Variants in FAXC observed in about 807,000 individuals in gnomAD.
FAXC encodes failed axon connections homolog.
In FAXC, 10 loss-of-function variants were observed where a neutral mutation model predicts 41.9. The observed-to-expected ratio is 0.24, with a 90% CI of 0.15 to 0.41. The LOEUF (loss-of-function observed/expected upper bound fraction) is 0.41, where lower values mean the gene tolerates loss of function less well. Ranked by LOEUF, FAXC falls within the 10% of genes least tolerant of loss-of-function variation. The pLI is 1.00. For missense variants in FAXC, 399 were observed against 510.9 expected (o/e 0.78, Z 2.11); for synonymous variants, 183 against 183.8 (o/e 1.00, Z 0.03).
intron 5 of FAXC, among the ~76,000 whole-genome samples, chr6:99,289,948 G>GCA (rs144500826): frequency 0.046 from 7,005 of 152,094 alleles, 194 homozygotes; most frequent in Non-Finnish European, 0.06. Context: ...AGAGAGTACT[G>GCA]CACCACACAT....
intron 4 of FAXC, among the ~76,000 whole-genome samples, chr6:99,297,307 G>A (rs1771535337): frequency 6.6e-6 from 1 of 152,124 alleles, no homozygotes; most frequent in African/African-American, 2.4e-5. Context: ...TACTAACTGA[G>A]CGGATGGCTG....
intron 4 of FAXC, among the ~76,000 whole-genome samples, chr6:99,297,424 A>T (rs1417030362): frequency 6.6e-6 from 1 of 152,136 alleles, no homozygotes; most frequent in African/African-American, 2.4e-5. Flanking sequence ...AGGCCTGAAG[A>T]CTTAGGCCAA....
At chr6:99,317,722 T>C (rs979121948) in intron 4 of FAXC, among the ~76,000 whole-genome samples, 4 of 152,200 alleles carry the variant, frequency 2.6e-5, no homozygotes, top group Admixed American at 2.0e-4. Context: ...CTTCCATTCA[T>C]ATTTTGTATC....
chr6:99,338,987 G>A (rs559786758), intron 2 of FAXC, among the ~76,000 whole-genome samples: 2 of 152,206 alleles, frequency 1.3e-5, no homozygotes, highest in South Asian at 4.2e-4. Flanking sequence ...GTCCCCAGAG[G>A]CCCTGCATTA....
Position 99,349,347 on chromosome 6 carries a change from G to C in FAXC, c.26C>G (p.Ser9Trp), listed in dbSNP as rs529164273. 18 of 1,612,514 alleles carry C rather than the reference G, an allele frequency of 1.1e-5. No homozygotes were observed. In the South Asian group the frequency reaches 2.0e-4, roughly 18 times the overall value. The change falls in exon 1 of 6, where the codon TCG (serine) becomes TGG (tryptophan). Residue 9 changes from serine (S) to tryptophan (W), a missense_variant. Physicochemically the swap from Ser to Trp is radical, Grantham distance 177 (BLOSUM62 -3). Coordinates refer to ENST00000389677, the MANE Select transcript of FAXC (RefSeq NM_032511.4). MHWGVGFA[S>W]SRPCVVDLSW... ...CAGATCCACCACGCACGGCCTGGAC[G>C]AAGCAAAGCCAACCCCCCAGTGCAT... is the stretch of plus-strand genomic sequence containing the variant.
intron 4 of FAXC, among the ~76,000 whole-genome samples, chr6:99,320,579 G>A (rs1347295359): frequency 2.0e-5 from 3 of 151,950 alleles, no homozygotes; most frequent in South Asian, 4.2e-4. Flanking sequence ...TCACACATGC[G>A]GCTCCTTCTC....
intron 3 of FAXC, among the ~76,000 whole-genome samples, chr6:99,331,537 G>A (rs975315792): frequency 2.6e-5 from 4 of 152,190 alleles, no homozygotes; most frequent in Non-Finnish European, 4.4e-5. Flanking sequence ...GTGATGTGTG[G>A]TAGTTGGAAA....
chr6:99,272,142 CTATATG>C lies in FAXC; in HGVS notation c.*9016_*9021del, dbSNP rs1383499579. 8.7e-3 allele frequency: 720 copies of C among 83,144 alleles called. 5 individuals are homozygous for C. Among genetic ancestry groups the C allele is most frequent in the African/African-American group, 0.033 (706 of 21,280 alleles). The allele number at this position is 83,144 out of a possible 1,614,324, so 5.2% of individuals were successfully genotyped here. A position where few individuals can be genotyped will look rare whatever the true frequency, so the allele number is the denominator to read the frequency against. On this transcript the variant is annotated 3_prime_UTR_variant, in exon 6 of 6. Coordinates refer to ENST00000389677, the MANE Select transcript of FAXC (RefSeq NM_032511.4). Reference sequence around the variant, plus strand: ...GAAGAGGTATGAAAACTAATTGAGACTATATGTGTGTGTGTGTGTGTGTGTGTGTGT... The same window carrying C: ...GAAGAGGTATGAAAACTAATTGAGACTGTGTGTGTGTGTGTGTGTGTGTGT...
At chr6:99,333,856 G>C (rs1029296010) in intron 2 of FAXC, among the ~76,000 whole-genome samples, 1 of 152,104 alleles carries the variant, frequency 6.6e-6, no homozygotes, top group African/African-American at 2.4e-5. Context: ...GATTGAAAGG[G>C]CTGAAATGAC....
intron 5 of FAXC, among the ~76,000 whole-genome samples, chr6:99,289,726 T>TAC (rs1771161752): frequency 4.0e-5 from 6 of 151,748 alleles, no homozygotes; most frequent in Admixed American, 2.0e-4. Flanking sequence ...TGTGTATATA[T>TAC]ATATATAGTC....
At chr6:99,299,660 G>A (rs140211278) in intron 4 of FAXC, among the ~76,000 whole-genome samples, 374 of 152,254 alleles carry the variant, frequency 2.5e-3, no homozygotes, top group African/African-American at 8.6e-3. Flanking sequence ...CACTATCCAA[G>A]CATCAAAGAG....
intron 4 of FAXC, among the ~76,000 whole-genome samples, chr6:99,321,291 T>C (rs909539272): frequency 2.0e-5 from 3 of 152,176 alleles, no homozygotes; most frequent in Non-Finnish European, 4.4e-5. Context: ...CCATGGACAA[T>C]TATTTCCCCA....
Position 99,288,859 on chromosome 6 carries a change from T to TACACACACACACACACACACACACAC in FAXC, c.940+2819_940+2844dup, listed in dbSNP as rs55895848. On this transcript the variant is annotated intron_variant, in intron 5 of 5. Transcript: ENST00000389677. ...ATGCACATGAATCGACACACACACA[T>TACACACACACACACACACACACACAC]ACACACACACACACACACACACACA... 9.1e-4 allele frequency among the ~76,000 whole-genome samples: 133 copies of TACACACACACACACACACACACACAC among 145,850 alleles called. 1 individual carries two copies. In the East Asian group the frequency reaches 9.6e-3, roughly 11 times the overall value.
At chr6:99,325,843 A>C (rs1267307196) in intron 3 of FAXC, among the ~76,000 whole-genome samples, 1 of 152,244 alleles carries the variant, frequency 6.6e-6, no homozygotes, top group Non-Finnish European at 1.5e-5. Context: ...AAAGCATCTA[A>C]AGTGTAAAAA....
At chr6:99,320,999 G>A (rs1319083451) in intron 4 of FAXC, among the ~76,000 whole-genome samples, 1 of 151,000 alleles carries the variant, frequency 6.6e-6, no homozygotes, top group Non-Finnish European at 1.5e-5. Flanking sequence ...CAGGCCTCAT[G>A]GGCACATTTC....
chr6:99,304,244 C>T (rs765170271), intron 4 of FAXC, among the ~76,000 whole-genome samples: 11 of 151,954 alleles, frequency 7.2e-5, no homozygotes, highest in Admixed American at 1.3e-4. Context: ...CGAGATTGCA[C>T]CATTGCACTC....
At chr6:99,285,178 G>A (rs1449650536) in intron 5 of FAXC, among the ~76,000 whole-genome samples, 1 of 152,020 alleles carries the variant, frequency 6.6e-6, no homozygotes, top group African/African-American at 2.4e-5. Context: ...CATATCTCTT[G>A]GCCCAGGATT....
rs1770454610 is a variant in FAXC, at chr6:99,272,621, C to T, written c.*8543G>A. 6.6e-6 allele frequency: 1 copy of T among 152,220 alleles called. No individual in the cohort carries two copies. The highest frequency in any genetic ancestry group is 1.5e-5 in the Non-Finnish European group (1 of 68,044). The allele number at this position is 152,220 out of a possible 1,614,324, so 9.4% of individuals were successfully genotyped here. On this transcript the variant is annotated 3_prime_UTR_variant, in exon 6 of 6. Coordinates refer to ENST00000389677, the MANE Select transcript of FAXC (RefSeq NM_032511.4). ...TCACACTTCGTAACACTCTGAGGCACACTGGGCATGAAATAAAAGCAGGAG... is the reference window on the plus strand; with the variant it reads ...TCACACTTCGTAACACTCTGAGGCATACTGGGCATGAAATAAAAGCAGGAG...
intron 1 of FAXC, among the ~76,000 whole-genome samples, chr6:99,345,209 G>C (rs1353139336): frequency 6.6e-6 from 1 of 152,162 alleles, no homozygotes; most frequent in Non-Finnish European, 1.5e-5. Flanking sequence ...GTTTGACTTA[G>C]ACCACTGAAG....
Sources: gnomAD v4.1 joint callset for allele counts (sites outside exome capture counted in the v4.1 genomes callset) on GRCh38, gnomAD v4.1.1 for gene constraint, MANE v1.5 for transcripts, NCBI Gene and HGNC (gene_info 2026-07-23, HGNC 2026-07-21) for gene names.